JPH1: variants seen among roughly 807,000 people sequenced by gnomAD.
JPH1 encodes junctophilin-1.
JPH1 carries 12 observed loss-of-function variants against 53.6 expected under a neutral mutation model. The ratio of observed to expected loss-of-function variants is 0.22; its 90% confidence interval spans 0.14 to 0.36. The LOEUF (loss-of-function observed/expected upper bound fraction) is 0.36, where lower values mean the gene tolerates loss of function less well. Ranked by LOEUF, JPH1 falls within the 10% of genes least tolerant of loss-of-function variation. The pLI, the probability that JPH1 is intolerant of heterozygous loss-of-function variation, is 1.00. For missense variants in JPH1, 808 were observed against 905.5 expected (o/e 0.89, Z 1.38); for synonymous variants, 375 against 363.8 (o/e 1.03, Z -0.35).
At chr8:74,292,748 G>A (rs144238298) in intron 2 of JPH1, among the ~76,000 whole-genome samples, 1 of 152,264 alleles carries the variant, frequency 6.6e-6, no homozygotes, top group East Asian at 1.9e-4. Context: ...CTTCTGAACA[G>A]GTTGATCAAA....
intron 3 of JPH1, among the ~76,000 whole-genome samples, chr8:74,256,115 G>C (rs200331215): frequency 0.014 from 2,132 of 152,082 alleles, 65 homozygotes; most frequent in African/African-American, 0.049. Flanking sequence ...CAGCACTATT[G>C]ACAATAGCAA....
chr8:74,279,005 A>G (rs1295360875), intron 2 of JPH1, among the ~76,000 whole-genome samples: 1 of 150,206 alleles, frequency 6.7e-6, no homozygotes, highest in East Asian at 2.0e-4. Flanking sequence ...ACACACACAC[A>G]CGCATACACA....
At chr8:74,253,163 G>T (rs1314022028) in intron 3 of JPH1, among the ~76,000 whole-genome samples, 1 of 152,102 alleles carries the variant, frequency 6.6e-6, no homozygotes, top group African/African-American at 2.4e-5. Flanking sequence ...CTCAGCAAAT[G>T]TAAAAGAACA....
chr8:74,277,397 T>C (rs1282512177), intron 2 of JPH1, among the ~76,000 whole-genome samples: 2 of 152,238 alleles, frequency 1.3e-5, no homozygotes, highest in African/African-American at 2.4e-5. Context: ...TTGGATTAGA[T>C]AAGCATAATG....
chr8:74,238,496 C>A (rs1278382619), intron 4 of JPH1, among the ~76,000 whole-genome samples: 6 of 152,198 alleles, frequency 3.9e-5, no homozygotes, highest in Non-Finnish European at 8.8e-5. Context: ...TGTTTAACTG[C>A]TATTTTCCCC....
At chr8:74,242,464 A>G (rs1805724163) in intron 4 of JPH1, among the ~76,000 whole-genome samples, 1 of 152,244 alleles carries the variant, frequency 6.6e-6, no homozygotes, top group Non-Finnish European at 1.5e-5. Context: ...CTGGGATGTG[A>G]ACCGAGGAAG....
chr8:74,317,169 G>A (rs1188694918), intron 1 of JPH1, among the ~76,000 whole-genome samples: 1 of 152,132 alleles, frequency 6.6e-6, no homozygotes, highest in East Asian at 1.9e-4. Flanking sequence ...TTATTTCATT[G>A]CACTTAAAAG....
chr8:74,277,239 C>A (rs1806874205), intron 2 of JPH1, among the ~76,000 whole-genome samples: 1 of 152,210 alleles, frequency 6.6e-6, no homozygotes, highest in Non-Finnish European at 1.5e-5. Flanking sequence ...CCGCTGTGCT[C>A]CCGCCATCTG....
intron 2 of JPH1, 102 bp from the exon 3 acceptor site, chr8:74,259,605 A>C: frequency 1.1e-6 from 1 of 902,716 alleles, no homozygotes. Context: ...AATTATGATT[A>C]TGGCCCGACA....
chr8:74,320,836 G>T lies in JPH1; in HGVS notation c.379+73C>A, dbSNP rs911818713. ...GACACGTGCGCCCGGCGTCCTCCCC[G>T]CTTCCCCGCAGCCGGGGCAGAGCCC... is the stretch of plus-strand genomic sequence containing the variant. On this transcript the variant is annotated intron_variant, in intron 1 of 5. Transcript: ENST00000342232. This position sits in a 1 kb window ranked among gnomAD's most constrained non-coding sequence, Gnocchi z 4.4. The T allele has an allele frequency of 2.8e-6, 4 of 1,413,080 alleles. No homozygotes were observed. Among genetic ancestry groups the T allele is most frequent in the Non-Finnish European group, 3.7e-6 (4 of 1,083,254 alleles). 87.5% of individuals were successfully genotyped at this position (1,413,080 alleles called of 1,614,324 possible).
Position 74,235,295 on chromosome 8 carries a change from A to G in JPH1, c.*1756T>C, listed in dbSNP as rs1354109504. On this transcript the variant is annotated 3_prime_UTR_variant, in exon 6 of 6. Transcript: ENST00000342232. Reference sequence around the variant, plus strand: ...GCAAAATGTAAAAAATGAATATACAAGTTGAAATTTTTCATTTGCTCTCTT... The same window carrying G: ...GCAAAATGTAAAAAATGAATATACAGGTTGAAATTTTTCATTTGCTCTCTT... 1 of 152,576 alleles carries G rather than the reference A, an allele frequency of 6.6e-6. No homozygotes were observed. 9.5% of individuals were successfully genotyped at this position (152,576 alleles called of 1,614,324 possible).
At chr8:74,285,132 T>C (rs566461851) in intron 2 of JPH1, among the ~76,000 whole-genome samples, 2 of 152,174 alleles carry the variant, frequency 1.3e-5, no homozygotes, top group African/African-American at 4.8e-5. Context: ...CTATGGTTAC[T>C]ATTTCTAACT....
chr8:74,277,678 C>T (rs1221507040), intron 2 of JPH1, among the ~76,000 whole-genome samples: 1 of 152,110 alleles, frequency 6.6e-6, no homozygotes, highest in Non-Finnish European at 1.5e-5. Flanking sequence ...ATCTGTGAAA[C>T]GTGAATAGTG....
intron 2 of JPH1, among the ~76,000 whole-genome samples, chr8:74,281,248 A>T (rs933054258): frequency 1.2e-4 from 18 of 152,264 alleles, no homozygotes; most frequent in African/African-American, 4.3e-4. Context: ...CAAGCTACAG[A>T]TAAAACTAAT....
intron 2 of JPH1, among the ~76,000 whole-genome samples, chr8:74,278,744 T>C (rs1348114640): frequency 1.3e-5 from 2 of 152,182 alleles, no homozygotes; most frequent in Non-Finnish European, 2.9e-5. Context: ...TTTCCCTTCA[T>C]GAGCGATGAC....
At chr8:74,305,396 G>A (rs771841249) in intron 2 of JPH1, among the ~76,000 whole-genome samples, 2 of 152,214 alleles carry the variant, frequency 1.3e-5, no homozygotes, top group Non-Finnish European at 2.9e-5. Flanking sequence ...AAAGCATACA[G>A]GATAAAATAT....
chr8:74,321,303 G>C lies in JPH1; in HGVS notation c.-16C>G, dbSNP rs1188847479. On this transcript the variant is annotated 5_prime_UTR_variant, in exon 1 of 6. Transcript: ENST00000342232. The surrounding 1 kb of genome is among the most constrained non-coding windows in gnomAD (Gnocchi z 4.3). Reference sequence around the variant, plus strand: ...CGCCCGTCATTCGGGGGGCAGCCCCGGCGCGCTCCCCGCAGGGGCACGGAC... The same window carrying C: ...CGCCCGTCATTCGGGGGGCAGCCCCCGCGCGCTCCCCGCAGGGGCACGGAC... The C allele has an allele frequency of 1.3e-6, 2 of 1,532,144 alleles. No homozygotes were observed. Among genetic ancestry groups the C allele is most frequent in the Non-Finnish European group, 8.8e-7 (1 of 1,139,746 alleles). The allele number at this position is 1,532,144 out of a possible 1,614,324, so 94.9% of individuals were successfully genotyped here.
At chr8:74,275,746 A>G (rs1393754259) in intron 2 of JPH1, among the ~76,000 whole-genome samples, 1 of 152,154 alleles carries the variant, frequency 6.6e-6, no homozygotes, top group Non-Finnish European at 1.5e-5. Flanking sequence ...TCCTTAAAGG[A>G]ACTTCCAATC....
chr8:74,276,523 T>C (rs542568797), intron 2 of JPH1, among the ~76,000 whole-genome samples: 1 of 152,356 alleles, frequency 6.6e-6, no homozygotes, highest in East Asian at 1.9e-4. Context: ...ACTGACGATA[T>C]TAAGTCAATC....
Sources: gnomAD v4.1 joint callset for allele counts (sites outside exome capture counted in the v4.1 genomes callset) on GRCh38, gnomAD v4.1.1 for gene constraint, Gnocchi (gnomAD v3.1) non-coding constraint, MANE v1.5 for transcripts, NCBI Gene and HGNC (gene_info 2026-07-23, HGNC 2026-07-21) for gene names.